The following FETUB variants were observed in gnomAD, a reference collection of about 807,000 sequenced individuals.
The protein encoded by FETUB is fetuin B.
A neutral mutation model predicts 30.9 loss-of-function variants in FETUB; 28 were observed. The ratio of observed to expected loss-of-function variants is 0.90; its 90% CI spans 0.67 to 1.24. FETUB has a LOEUF of 1.24. FETUB is among the 50% of genes most tolerant of loss of function. The pLI is 0.00. For synonymous variants in FETUB, 186 were observed against 175.9 expected, an observed-to-expected ratio of 1.06 and a Z score of -0.45; for missense variants, 469 against 455.3, an observed-to-expected ratio of 1.03 and a Z score of -0.27.
intron 5 of FETUB, among the ~76,000 whole-genome samples, chr3:186,649,558 C>A (rs191543603): frequency 2.3e-4 from 35 of 152,254 alleles, no homozygotes; most frequent in Middle Eastern, 3.4e-3. Context: ...CAAACCTCCA[C>A]CTCCTGGGTT....
At chr3:186,651,576 C>T (rs774678710) in intron 6 of FETUB, 2 of 400,500 alleles carry the variant, frequency 5.0e-6, no homozygotes, top group South Asian at 3.5e-5. Flanking sequence ...TTAAATTCAG[C>T]GTCCCAAAGA....
chr3:186,651,384 T>C, intron 6 of FETUB, 83 bp downstream of exon 6: 1 of 921,270 alleles, frequency 1.1e-6, no homozygotes, highest in Non-Finnish European at 1.7e-6. Context: ...ACCCCCTCCT[T>C]TGATTTTCCC....
At chr3:186,648,229 A>G (rs1413611440) in intron 5 of FETUB, among the ~76,000 whole-genome samples, 1 of 152,232 alleles carries the variant, frequency 6.6e-6, no homozygotes, top group Non-Finnish European at 1.5e-5. Flanking sequence ...TTCCAGCACT[A>G]TTTGTTAAAA....
At chr3:186,649,021 A>G (rs1361942410) in intron 5 of FETUB, among the ~76,000 whole-genome samples, 4 of 152,226 alleles carry the variant, frequency 2.6e-5, no homozygotes, top group African/African-American at 4.8e-5. Flanking sequence ...CAGCACACTT[A>G]TAAAGTCCCT....
chr3:186,642,729 C>T (rs1005081699), intron 3 of FETUB, among the ~76,000 whole-genome samples, 171 bp downstream of exon 3: 1 of 152,226 alleles, frequency 6.6e-6, no homozygotes, highest in African/African-American at 2.4e-5. Context: ...TCATACTATA[C>T]TGCTCCTCTT....
At chr3:186,639,998 T>C (rs569537323), upstream of FETUB, among the ~76,000 whole-genome samples, 2 of 152,316 alleles carry the variant, frequency 1.3e-5, no homozygotes, top group South Asian at 4.1e-4. Context: ...ACAAGGGCTT[T>C]GCACACAGAG....
chr3:186,651,172 T>C (rs1279952474), intron 5 of FETUB, 46 bp from the exon 6 acceptor site: 2 of 1,274,390 alleles, frequency 1.6e-6, no homozygotes. Flanking sequence ...GATTTCCATC[T>C]GTGATCACTG....
chr3:186,640,903 T>C, intron 1 of FETUB, 127 bp from the exon 2 acceptor site: 1 of 692,892 alleles, frequency 1.4e-6, no homozygotes, highest in Non-Finnish European at 2.5e-6. Flanking sequence ...GTGTCAGATT[T>C]AATGGTTTAC....
intron 2 of FETUB, 120 bp from the exon 3 acceptor site, chr3:186,642,351 C>A: frequency 1.5e-6 from 1 of 655,572 alleles, no homozygotes; most frequent in Non-Finnish European, 2.7e-6. Flanking sequence ...GCCAAAACCA[C>A]AGAATTTGAT....
intron 2 of FETUB, 58 bp downstream of exon 2, chr3:186,641,198 C>T (rs921640291): frequency 1.1e-5 from 11 of 1,014,542 alleles, no homozygotes; most frequent in African/African-American, 1.6e-5. Flanking sequence ...TAGGTACACT[C>T]TTTCTACAGG....
chr3:186,649,502 C>T (rs1342349643), intron 5 of FETUB, among the ~76,000 whole-genome samples: 1 of 151,890 alleles, frequency 6.6e-6, no homozygotes, highest in Admixed American at 6.6e-5. Flanking sequence ...CAGAATTTTG[C>T]TCTGTCGCCC....
chr3:186,651,087 C>T, intron 5 of FETUB, 131 bp from the exon 6 acceptor site: 1 of 638,202 alleles, frequency 1.6e-6, no homozygotes, highest in African/African-American at 1.8e-5. Flanking sequence ...AGAATTGACT[C>T]AGAGTCTACC....
chr3:186,652,450 C>G lies in FETUB; in HGVS notation c.968C>G (p.Ala323Gly), dbSNP rs775661593. 1.9e-6 allele frequency: 3 copies of G among 1,614,110 alleles called. No homozygotes were observed. The highest frequency in any genetic ancestry group is 2.5e-6 in the Non-Finnish European group (3 of 1,179,988). Residue 323 changes from alanine (A) to glycine (G), a missense_variant, in exon 7 of 7, where the codon GCC (alanine) becomes GGC (glycine). Transcript: ENST00000265029. ...TCCCAGGAAAAGGGCCCTCAGGAGG[C>G]CTTTCCTGTGCATCTGGACCTAACC... Reference protein sequence around the residue: ...KNSQEKGPQEAFPVHLDLTTN... With the variant: ...KNSQEKGPQEGFPVHLDLTTN...
In FETUB at chr3:186,652,770, G is replaced by T. The variant is rs569398502; in HGVS notation, c.*139G>T. 31 of 1,015,166 alleles carry T rather than the reference G, an allele frequency of 3.1e-5. No individual in the cohort carries two copies. In the South Asian group the frequency reaches 5.4e-4, roughly 18 times the overall value. The allele number at this position is 1,015,166 out of a possible 1,614,324, so 62.9% of individuals were successfully genotyped here. A position where few individuals can be genotyped will look rare whatever the true frequency, so the allele number is the denominator to read the frequency against. On this transcript the variant is annotated 3_prime_UTR_variant, in exon 7 of 7. Coordinates refer to ENST00000265029, the MANE Select transcript of FETUB (RefSeq NM_014375.3). Reference sequence around the variant, plus strand: ...TTTTGACTCTTCTTGGTCTCAGCATGTTGACTGGGATTGGAAATAATGAGA... The same window carrying T: ...TTTTGACTCTTCTTGGTCTCAGCATTTTGACTGGGATTGGAAATAATGAGA...
chr3:186,651,223 T>C lies in FETUB; in HGVS notation c.702T>C (p.Val234=), dbSNP rs758678399. 6.2e-7 allele frequency: 1 copy of C among 1,610,034 alleles called. No individual in the cohort carries two copies. Among genetic ancestry groups the C allele is most frequent in the Non-Finnish European group, 8.5e-7 (1 of 1,176,272 alleles). ...CSLQSSDSVP[V]GLCKGSLTRT... is the part of the protein sequence containing the mutation. ...CATTGTATTTTCTCTTTTAGCCTGT[T>C]GGTCTTTGCAAAGGTTCTCTGACTC... Residue 234 remains valine (V), a synonymous_variant, in exon 6 of 7, where the codon GTT becomes GTC. Transcript: ENST00000265029.
rs183618198 is a variant in FETUB, at chr3:186,645,569, C to T, written c.594+649C>T. Among the ~76,000 whole-genome samples, 443 of 152,194 alleles carry T rather than the reference C, an allele frequency of 2.9e-3. 7 individuals carry two copies. Among genetic ancestry groups the T allele is most frequent in the Non-Finnish European group, 1.2e-3 (85 of 68,010 alleles). Reference sequence around the variant, plus strand: ...CTCAAACTCCTGGACTCAAAACAATCCACCCGCCTTGGCCTCCCAAAGTGC... The same window carrying T: ...CTCAAACTCCTGGACTCAAAACAATTCACCCGCCTTGGCCTCCCAAAGTGC... On this transcript the variant is annotated intron_variant, in intron 4 of 6. Transcript: ENST00000265029.
At chr3:186,651,147 AGTAGAAAG>A (rs1366289549) in intron 5 of FETUB, 63 bp from the exon 6 acceptor site, 28 of 989,606 alleles carry the variant, frequency 2.8e-5, no homozygotes, top group Non-Finnish European at 3.6e-5. Flanking sequence ...TATCTACACA[AGTAGAAAG>A]CTAGTTGATT....
At position 186,644,881 on chromosome 3, in the gene FETUB, G is replaced by A; in HGVS notation, c.555G>A (p.Lys185=). The A allele has an allele frequency of 1.9e-6, 3 of 1,613,838 alleles. No individual in the cohort carries two copies. The highest frequency in any genetic ancestry group is 2.5e-6 in the Non-Finnish European group (3 of 1,179,980). ...LAKYNNENTS[K]QYSLFKVTRA... Reference sequence around the variant, plus strand: ...AATACAACAATGAGAACACATCCAAGCAGTATTCTCTCTTCAAAGTCACCA... The same window carrying A: ...AATACAACAATGAGAACACATCCAAACAGTATTCTCTCTTCAAAGTCACCA... Residue 185 remains lysine, a synonymous_variant, in exon 4 of 7, where the codon AAG becomes AAA. Coordinates refer to ENST00000265029, the MANE Select transcript of FETUB (RefSeq NM_014375.3).
chr3:186,651,774 T>G (rs1351752461), intron 6 of FETUB: 1 of 184,682 alleles, frequency 5.4e-6, no homozygotes, highest in Non-Finnish European at 1.1e-5. Context: ...AGTTTTGCTC[T>G]GGTACCTGTG....
Sources: allele counts gnomAD v4.1 joint callset (sites outside exome capture counted in the v4.1 genomes callset), GRCh38; gene constraint gnomAD v4.1.1; transcripts MANE v1.5; gene names NCBI Gene and HGNC (gene_info 2026-07-23, HGNC 2026-07-21).